Variants in LRRC40 observed in about 807,000 individuals in gnomAD.
LRRC40 encodes the protein leucine-rich repeat-containing protein 40.
LRRC40 carries 76 observed loss-of-function variants against 72.8 expected under a neutral mutation model. The ratio of observed to expected loss-of-function variants is 1.04; its 90% CI spans 0.87 to 1.26. The LOEUF (loss-of-function observed/expected upper bound fraction) is 1.26. LRRC40 is among the 50% of genes most tolerant of loss of function. The pLI is 0.00. For missense variants in LRRC40, 684 were observed against 698.9 expected, an observed-to-expected ratio of 0.98 and a Z score of 0.24; for synonymous variants, 243 against 254.2, an observed-to-expected ratio of 0.96 and a Z score of 0.42.
At chr1:70,151,380 T>C (rs2100229058) in intron 12 of LRRC40, among the ~76,000 whole-genome samples, 175 bp from the exon 13 acceptor site, 1 of 152,282 alleles carries the variant, frequency 6.6e-6, no homozygotes, top group South Asian at 2.1e-4. Flanking sequence ...ACCGCAGTTA[T>C]TCGGTTAGTA....
chr1:70,168,224 G>A (rs1009000231), intron 9 of LRRC40, among the ~76,000 whole-genome samples: 15 of 152,304 alleles, frequency 9.8e-5, no homozygotes, highest in African/African-American at 3.4e-4. Context: ...GATGAGTAGG[G>A]TGAGGACTCC....
chr1:70,158,026 G>A lies in LRRC40; in HGVS notation c.1220+1304C>T, dbSNP rs77445162. Among the ~76,000 whole-genome samples the A allele has an allele frequency of 4.7e-5, 7 of 148,696 alleles. No homozygotes were observed. The East Asian group carries it at 1.2e-3, about 26-fold the overall frequency. On this transcript the variant is annotated intron_variant, in intron 10 of 14. Transcript: ENST00000370952. ...TGAGGTGGGGGAATCGCTTGAGCCA[G>A]GAGGTTGAGGTTACAGTGAGCCGAG...
intron 7 of LRRC40, among the ~76,000 whole-genome samples, chr1:70,174,637 T>A (rs1249855781): frequency 6.6e-6 from 1 of 152,058 alleles, no homozygotes; most frequent in Non-Finnish European, 1.5e-5. Context: ...TACAACCACA[T>A]GAATCACAAA....
At position 70,205,452 on chromosome 1, in the gene LRRC40, C is replaced by T; in HGVS notation, c.89G>A (p.Gly30Glu). 6.2e-7 allele frequency: 1 copy of T among 1,609,680 alleles called. No homozygotes were observed. Among genetic ancestry groups the T allele is most frequent in the South Asian group, 1.1e-5 (1 of 90,768 alleles). ...GCTCTTCCTCGCTGCCTTCAACAGCCCTTGGGGTACCGAGGTACCGCAGTC... is the reference window on the plus strand; with the variant it reads ...GCTCTTCCTCGCTGCCTTCAACAGCTCTTGGGGTACCGAGGTACCGCAGTC... ...GRDCGTSVPQ[G>E]LLKAARKSGQ... Residue 30 changes from glycine (G) to glutamate (E), a missense_variant, in exon 1 of 15, where the codon GGG (glycine) becomes GAG (glutamate). By Grantham distance (98) the Gly-to-Glu change is moderately conservative. Transcript: ENST00000370952.
intron 9 of LRRC40, among the ~76,000 whole-genome samples, chr1:70,170,156 G>A (rs1490628827): frequency 6.6e-6 from 1 of 151,784 alleles, no homozygotes; most frequent in Non-Finnish European, 1.5e-5. Flanking sequence ...TAAATCACAC[G>A]ACCATCTCAA....
intron 1 of LRRC40, among the ~76,000 whole-genome samples, chr1:70,200,560 AATT>A (rs1668714701): frequency 3.3e-5 from 5 of 152,308 alleles, no homozygotes; most frequent in Admixed American, 2.0e-4. Context: ...TGAAAATTTA[AATT>A]ATTATTTGTT....
chr1:70,155,583 T>A, intron 11 of LRRC40, 106 bp downstream of exon 11: 1 of 447,432 alleles, frequency 2.2e-6, no homozygotes, highest in Non-Finnish European at 3.9e-6. Flanking sequence ...AATTTTTACA[T>A]ATAGTTTTAA....
intron 1 of LRRC40, among the ~76,000 whole-genome samples, chr1:70,198,209 C>G (rs1668658662): frequency 6.6e-6 from 1 of 152,216 alleles, no homozygotes; most frequent in East Asian, 1.9e-4. Context: ...CCAAACTGCT[C>G]TCTTCAAGAT....
intron 11 of LRRC40, among the ~76,000 whole-genome samples, chr1:70,154,546 T>C (rs1231077155): frequency 6.6e-6 from 1 of 152,198 alleles, no homozygotes; most frequent in Non-Finnish European, 1.5e-5. Flanking sequence ...AACCAGAAGA[T>C]GGATTAGAGA....
In LRRC40 at chr1:70,184,921, G is replaced by T. The variant is rs1324670081; in HGVS notation, c.408-7C>A. 1 of 1,577,646 alleles carries T rather than the reference G, an allele frequency of 6.3e-7. No individual in the cohort carries two copies. The highest frequency in any genetic ancestry group is 2.2e-5 in the East Asian group (1 of 44,548). ...TATTTTCAGTTTATTATGGCTATTGGTTGATAAAATAAATGATGAATAATT... is the reference window on the plus strand; with the variant it reads ...TATTTTCAGTTTATTATGGCTATTGTTTGATAAAATAAATGATGAATAATT... On this transcript the variant is annotated splice_polypyrimidine_tract_variant and splice_region_variant and intron_variant, in intron 3 of 14. Coordinates refer to ENST00000370952, the MANE Select transcript of LRRC40 (RefSeq NM_017768.5).
chr1:70,196,829 T>A (rs779651846), intron 1 of LRRC40, among the ~76,000 whole-genome samples: 49 of 152,182 alleles, frequency 3.2e-4, no homozygotes, highest in Non-Finnish European at 6.2e-4. Context: ...CATGATGGTA[T>A]ATATTTGTCA....
chr1:70,189,612 G>A (rs1426724603), intron 1 of LRRC40, among the ~76,000 whole-genome samples: 1 of 152,058 alleles, frequency 6.6e-6, no homozygotes, highest in Non-Finnish European at 1.5e-5. Context: ...TCTACCATCA[G>A]GCTAACAGAT....
At chr1:70,164,080 C>CT (rs1415066998) in intron 9 of LRRC40, among the ~76,000 whole-genome samples, 1 of 152,024 alleles carries the variant, frequency 6.6e-6, no homozygotes, top group African/African-American at 2.4e-5. Flanking sequence ...ACCTCAAACC[C>CT]TTTTTTTATA....
chr1:70,178,373 A>C (rs571551685), intron 6 of LRRC40, among the ~76,000 whole-genome samples: 1 of 152,362 alleles, frequency 6.6e-6, no homozygotes, highest in African/African-American at 2.4e-5. Context: ...CTCTTTTAAC[A>C]CTAGAGCTTA....
chr1:70,181,912 A>G lies in LRRC40; in HGVS notation c.538-703T>C, dbSNP rs115760372. Among the ~76,000 whole-genome samples, 550 of 152,076 alleles carry G rather than the reference A, an allele frequency of 3.6e-3. 7 individuals are homozygous for G. The highest frequency in any genetic ancestry group is 0.013 in the African/African-American group (526 of 41,550). On this transcript the variant is annotated intron_variant, in intron 4 of 14. Transcript: ENST00000370952. ...AAAAGACGTTGTTATGAATCAGGTA[A>G]TTTTTATAACACTCAAATTAGGTGT...
intron 1 of LRRC40, among the ~76,000 whole-genome samples, chr1:70,194,640 G>C (rs1668569796): frequency 6.6e-6 from 1 of 151,440 alleles, no homozygotes; most frequent in Admixed American, 6.6e-5. Flanking sequence ...TGAAATAAAA[G>C]AACAAAACAG....
intron 6 of LRRC40, among the ~76,000 whole-genome samples, chr1:70,177,390 G>A (rs1668133150): frequency 6.6e-6 from 1 of 152,132 alleles, no homozygotes; most frequent in African/African-American, 2.4e-5. Flanking sequence ...ACTTCTTGTT[G>A]GTACTGTGGT....
intron 9 of LRRC40, among the ~76,000 whole-genome samples, chr1:70,160,275 C>T (rs1441177282): frequency 6.6e-6 from 1 of 152,184 alleles, no homozygotes; most frequent in East Asian, 1.9e-4. Context: ...CCTGATCTTG[C>T]TTCAGCCCAG....
intron 6 of LRRC40, among the ~76,000 whole-genome samples, chr1:70,178,589 A>T (rs1211938458): frequency 6.6e-6 from 1 of 152,132 alleles, no homozygotes; most frequent in South Asian, 2.1e-4. Flanking sequence ...TTTATCTACT[A>T]CTTCTCCAGT....
Sources: gnomAD v4.1 joint callset for allele counts (sites outside exome capture counted in the v4.1 genomes callset) on GRCh38, gnomAD v4.1.1 for gene constraint, MANE v1.5 for transcripts, NCBI Gene and HGNC (gene_info 2026-07-23, HGNC 2026-07-21) for gene names.